ZNF76: variants seen among roughly 807,000 people sequenced by gnomAD.
ZNF76 encodes zinc finger protein 523.
Under a neutral mutation model 66.9 loss-of-function variants are expected in ZNF76, and 66 were observed. That is an observed-to-expected ratio of 0.99 (90% CI 0.81 to 1.21). ZNF76 has a LOEUF of 1.21. ZNF76 is among the 50% of genes most tolerant of loss of function. ZNF76 has a pLI of 0.00. For missense variants in ZNF76, 729 were observed against 760.3 expected (o/e 0.96, Z 0.48); for synonymous variants, 275 against 296.1 (o/e 0.93, Z 0.73).
chr6:35,261,639 C>T (rs1207989269), intron 1 of ZNF76, among the ~76,000 whole-genome samples: 3 of 152,182 alleles, frequency 2.0e-5, no homozygotes, highest in African/African-American at 7.2e-5. Flanking sequence ...TGTCTTTCCC[C>T]CAGACTTACT....
chr6:35,266,865 A>G (rs1254813492), intron 1 of ZNF76, among the ~76,000 whole-genome samples: 1 of 127,006 alleles, frequency 7.9e-6, no homozygotes, highest in Non-Finnish European at 1.6e-5. Context: ...CAGTGGCGCC[A>G]TCTCGGCTCA....
At chr6:35,289,709 C>CA (rs1219172824) in intron 5 of ZNF76, among the ~76,000 whole-genome samples, 10 of 152,278 alleles carry the variant, frequency 6.6e-5, no homozygotes, top group South Asian at 6.2e-4. Flanking sequence ...GAAACTGCAG[C>CA]ACTCCCCTGG....
intron 7 of ZNF76, 176 bp downstream of exon 7, chr6:35,290,892 ATGGT>A: frequency 1.5e-6 from 1 of 655,642 alleles, no homozygotes; most frequent in Non-Finnish European, 2.6e-6. Flanking sequence ...GCAAGGCAGC[ATGGT>A]TCAGGCCAGC....
intron 7 of ZNF76, chr6:35,290,972 G>T: frequency 1.7e-6 from 1 of 596,028 alleles, no homozygotes; most frequent in East Asian, 2.8e-5. Context: ...CCAACCAGCT[G>T]TGGATTATTG....
Position 35,287,371 on chromosome 6 carries a change from T to C in ZNF76, c.233-275T>C, listed in dbSNP as rs1789714111. On this transcript the variant is annotated intron_variant, in intron 4 of 13. Coordinates refer to ENST00000373953, the MANE Select transcript of ZNF76 (RefSeq NM_003427.5). The surrounding 1 kb of genome is among the most constrained non-coding windows in gnomAD (Gnocchi z 4.0). ...GGTGAGGAGCGACTGGTCAGGAGGC[T>C]ATTGTGGTCATCTAAGCCAAAATGA... 6.6e-6 allele frequency among the ~76,000 whole-genome samples: 1 copy of C among 152,130 alleles called. No homozygotes were observed. The highest frequency in any genetic ancestry group is 2.1e-4 in the South Asian group (1 of 4,830).
At chr6:35,288,214 G>T in intron 5 of ZNF76, 1 of 464,058 alleles carries the variant, frequency 2.2e-6, no homozygotes, top group South Asian at 1.7e-5. Flanking sequence ...GGAAAGCCCT[G>T]CCAGTGACTT....
chr6:35,291,992 A>C, intron 9 of ZNF76: 1 of 557,120 alleles, frequency 1.8e-6, no homozygotes, highest in Non-Finnish European at 3.2e-6. Flanking sequence ...ACCCCTCTAC[A>C]CCCACCCTGA....
rs57833954 is a variant in ZNF76, at chr6:35,266,797, C to CTTTTTT, written c.-97+6973_-97+6978dup. 4.8e-3 allele frequency among the ~76,000 whole-genome samples: 449 copies of CTTTTTT among 93,280 alleles called. 1 individual carries two copies. Among genetic ancestry groups the CTTTTTT allele is most frequent in the African/African-American group, 5.8e-3 (139 of 23,932 alleles). The allele number at this position is 93,280 out of a possible 152,430, so 61.2% of individuals were successfully genotyped here. On this transcript the variant is annotated intron_variant, in intron 1 of 13. Transcript: ENST00000373953. ...CTTTATTTTATTTTATTGTCTATTTCTTTTTTTTTTTTTTTTTTTTTTGAG... is the reference window on the plus strand; with the variant it reads ...CTTTATTTTATTTTATTGTCTATTTCTTTTTTTTTTTTTTTTTTTTTTTTTTTTGAG...
At chr6:35,295,004 G>A in intron 13 of ZNF76, 140 bp from the exon 14 acceptor site, 1 of 631,664 alleles carries the variant, frequency 1.6e-6, no homozygotes, top group East Asian at 2.8e-5. Flanking sequence ...ATGTTTATTG[G>A]AGCCCTACTA....
At chr6:35,281,263 C>T (rs1451447726) in intron 2 of ZNF76, 39 bp downstream of exon 2, 2 of 1,595,402 alleles carry the variant, frequency 1.3e-6, no homozygotes, top group Non-Finnish European at 1.7e-6. Context: ...TGCCCTGTCC[C>T]TCAGCCTCTG....
At position 35,268,443 on chromosome 6, in the gene ZNF76, C is replaced by T. The variant is rs190390385; in HGVS notation, c.-97+8602C>T. Among the ~76,000 whole-genome samples, 6 of 152,212 alleles carry T rather than the reference C, an allele frequency of 3.9e-5. No individual in the cohort carries two copies. The East Asian group carries it at 1.2e-3, about 29-fold the overall frequency. ...AGTTTAGAGGAGACATAGTCAACAT[C>T]TACCACGTAATGGAATGGGGAAATT... On this transcript the variant is annotated intron_variant, in intron 1 of 13. Transcript: ENST00000373953.
At chr6:35,279,199 G>C (rs531378624) in intron 1 of ZNF76, 2 of 165,236 alleles carry the variant, frequency 1.2e-5, no homozygotes, top group Non-Finnish European at 1.5e-5. Flanking sequence ...GGGGCACAGC[G>C]TCACACAGAT....
intron 1 of ZNF76, among the ~76,000 whole-genome samples, chr6:35,265,554 T>C (rs1038822109): frequency 1.3e-5 from 2 of 150,530 alleles, no homozygotes; most frequent in Non-Finnish European, 3.0e-5. Flanking sequence ...GCCAGGATTC[T>C]GGGTGTTAAA....
chr6:35,294,922 C>T (rs2150381454), intron 13 of ZNF76: 2 of 584,944 alleles, frequency 3.4e-6, no homozygotes, highest in South Asian at 4.1e-5. Flanking sequence ...GCAAGTGGGT[C>T]TCTCTGACCC....
intron 1 of ZNF76, among the ~76,000 whole-genome samples, chr6:35,261,487 C>T (rs894477413): frequency 6.9e-6 from 1 of 145,272 alleles, no homozygotes; most frequent in African/African-American, 2.5e-5. Flanking sequence ...ATTATTATAT[C>T]CACCATTTTC....
intron 11 of ZNF76, 114 bp downstream of exon 11, chr6:35,293,158 A>T: frequency 1.3e-5 from 17 of 1,301,868 alleles, no homozygotes; most frequent in Non-Finnish European, 1.8e-5. Flanking sequence ...TTCTTGTTTA[A>T]GTTTTATAGA....
chr6:35,286,460 G>A, intron 4 of ZNF76, 61 bp downstream of exon 4: 3 of 1,516,886 alleles, frequency 2.0e-6, no homozygotes, highest in Non-Finnish European at 2.7e-6. Flanking sequence ...GGATGGGGTG[G>A]CAGGACTGGA....
rs1790637954 is a variant in ZNF76, at chr6:35,292,928, G to A, written c.1213G>A (p.Ala405Thr). The A allele has an allele frequency of 6.2e-7, 1 of 1,614,240 alleles. No homozygotes were observed. The highest frequency in any genetic ancestry group is 1.1e-5 in the South Asian group (1 of 91,090). ...ESPPPKRPRI[A>T]YLSEVKEERD... ...TCCGCCACCCAAACGACCCCGGATAGCTTACCTTTCGGAGGTGAAGGAAGA... is the reference window on the plus strand; with the variant it reads ...TCCGCCACCCAAACGACCCCGGATAACTTACCTTTCGGAGGTGAAGGAAGA... Residue 405 changes from alanine to threonine, a missense_variant, in exon 11 of 14, where the codon GCT (alanine) becomes ACT (threonine). Ala to Thr is a moderately conservative substitution (Grantham distance 58). Transcript: ENST00000373953. This position sits in a 1 kb window ranked among gnomAD's most constrained non-coding sequence, Gnocchi z 4.7.
intron 1 of ZNF76, among the ~76,000 whole-genome samples, chr6:35,264,786 A>G (rs985766530): frequency 1.2e-4 from 18 of 152,262 alleles, no homozygotes; most frequent in Admixed American, 2.6e-4. Context: ...AGCACCCTGC[A>G]GAATTCTGTA....
Sources: gnomAD v4.1 joint callset for allele counts (sites outside exome capture counted in the v4.1 genomes callset) on GRCh38, gnomAD v4.1.1 for gene constraint, Gnocchi (gnomAD v3.1) non-coding constraint, MANE v1.5 for transcripts, NCBI Gene and HGNC (gene_info 2026-07-23, HGNC 2026-07-21) for gene names.